Variants in ZMIZ1 observed in about 807,000 individuals in gnomAD.
ZMIZ1 encodes zinc finger MIZ domain-containing protein 1.
In ZMIZ1, 17 loss-of-function variants were observed where a neutral mutation model predicts 113.9. That is an observed-to-expected ratio of 0.15 (90% CI 0.10 to 0.22). The LOEUF (loss-of-function observed/expected upper bound fraction) is 0.22, where lower values mean the gene tolerates loss of function less well. Among genes scored for constraint, ZMIZ1 ranks in the 10% least tolerant of loss-of-function variants. The pLI, the probability that ZMIZ1 is intolerant of heterozygous loss-of-function variation, is 1.00. For missense variants in ZMIZ1, 1,059 were observed against 1,477.8 expected (o/e 0.72, Z 4.65); for synonymous variants, 607 against 603.1 (o/e 1.01, Z -0.09).
intron 1 of ZMIZ1, among the ~76,000 whole-genome samples, chr10:79,100,080 A>G (rs1843307186): frequency 6.6e-6 from 1 of 152,040 alleles, no homozygotes; most frequent in African/African-American, 2.4e-5. Flanking sequence ...GCCCTGGATG[A>G]CTGGTCCTGG....
At chr10:79,098,255 G>A (rs1012126642) in intron 1 of ZMIZ1, among the ~76,000 whole-genome samples, 5 of 152,178 alleles carry the variant, frequency 3.3e-5, no homozygotes, top group African/African-American at 9.7e-5. Flanking sequence ...GAGTTTATGC[G>A]GGAGTGAGGA....
intron 3 of ZMIZ1, among the ~76,000 whole-genome samples, chr10:79,159,250 C>CTCG (rs1846015004): frequency 6.6e-6 from 1 of 152,220 alleles, no homozygotes; most frequent in Non-Finnish European, 1.5e-5. Context: ...GGGGCTACAC[C>CTCG]TCGTCTCCTG....
intron 1 of ZMIZ1, among the ~76,000 whole-genome samples, chr10:79,089,162 C>T (rs771576733): frequency 5.9e-5 from 9 of 152,222 alleles, no homozygotes; most frequent in Non-Finnish European, 1.2e-4. Flanking sequence ...GAGGTGGACA[C>T]GTAGCCTCAG....
chr10:79,108,590 G>A (rs1035278805), intron 1 of ZMIZ1, among the ~76,000 whole-genome samples: 1 of 152,104 alleles, frequency 6.6e-6, no homozygotes. Flanking sequence ...AGGACAGGGG[G>A]CCTGATTGGG....
chr10:79,298,959 A>G, intron 15 of ZMIZ1, 91 bp from the exon 16 acceptor site: 1 of 1,489,382 alleles, frequency 6.7e-7, no homozygotes, highest in South Asian at 1.3e-5. Context: ...TCCTCTGAGC[A>G]TGCAGCCCAG....
intron 18 of ZMIZ1, among the ~76,000 whole-genome samples, chr10:79,302,829 G>A (rs1287777366): frequency 6.7e-6 from 1 of 149,996 alleles, no homozygotes; most frequent in Non-Finnish European, 1.5e-5. Flanking sequence ...AAGGAGTTGG[G>A]ACTATAGGTG....
chr10:79,238,244 G>A (rs956368347), intron 7 of ZMIZ1, among the ~76,000 whole-genome samples: 3 of 152,218 alleles, frequency 2.0e-5, no homozygotes, highest in African/African-American at 4.8e-5. Flanking sequence ...CGGAGGTACT[G>A]AGTGGAGGTG....
intron 3 of ZMIZ1, among the ~76,000 whole-genome samples, chr10:79,154,493 T>C (rs1845826527): frequency 6.6e-6 from 1 of 152,172 alleles, no homozygotes; most frequent in African/African-American, 2.4e-5. Context: ...AAATTCCACT[T>C]AGAACCCTGG....
At chr10:79,232,217 C>A (rs1849421758) in intron 7 of ZMIZ1, among the ~76,000 whole-genome samples, 1 of 152,120 alleles carries the variant, frequency 6.6e-6, no homozygotes, top group African/African-American at 2.4e-5. Flanking sequence ...GAAAACTGTG[C>A]CCTGCATGTA....
chr10:79,216,134 G>A (rs754672072), intron 6 of ZMIZ1, 35 bp from the exon 7 acceptor site: 16 of 1,433,432 alleles, frequency 1.1e-5, no homozygotes, highest in East Asian at 1.1e-4. Context: ...TCTGGGCTCC[G>A]TGACTCACCT....
intron 3 of ZMIZ1, among the ~76,000 whole-genome samples, chr10:79,156,591 C>G (rs1404762159): frequency 6.6e-6 from 1 of 152,208 alleles, no homozygotes; most frequent in Non-Finnish European, 1.5e-5. Flanking sequence ...AAAGCAGGCC[C>G]AGCAGGCAGG....
chr10:79,172,121 A>C (rs530391842), intron 4 of ZMIZ1, among the ~76,000 whole-genome samples: 2 of 152,272 alleles, frequency 1.3e-5, no homozygotes, highest in East Asian at 3.9e-4. Context: ...GGCAGGGCTC[A>C]CAGCAGCTCA....
intron 8 of ZMIZ1, among the ~76,000 whole-genome samples, chr10:79,278,620 A>G (rs1852463107): frequency 6.6e-6 from 1 of 151,248 alleles, no homozygotes; most frequent in Admixed American, 6.6e-5. Flanking sequence ...GGTACTTGAG[A>G]TTAGGGAGTG....
chr10:79,185,858 AGTGTCT>A (rs139077684), intron 4 of ZMIZ1, among the ~76,000 whole-genome samples: 1,541 of 152,110 alleles, frequency 0.01, 33 homozygotes, highest in South Asian at 0.073. Flanking sequence ...CAGCATCTGG[AGTGTCT>A]GTGTCCATTC....
intron 3 of ZMIZ1, among the ~76,000 whole-genome samples, chr10:79,150,434 C>T (rs1845667311): frequency 2.0e-5 from 3 of 152,266 alleles, no homozygotes; most frequent in Admixed American, 6.5e-5. Context: ...CCTGCACCCC[C>T]CACACATGCT....
intron 1 of ZMIZ1, among the ~76,000 whole-genome samples, chr10:79,106,601 G>T (rs531342607): frequency 2.6e-5 from 4 of 152,364 alleles, no homozygotes; most frequent in Non-Finnish European, 5.9e-5. Context: ...GATGCTCCTT[G>T]GCCGGTCTTT....
Position 79,302,547 on chromosome 10 carries a change from A to G in ZMIZ1, c.2125+335A>G, listed in dbSNP as rs563290794. 3.8e-5 allele frequency among the ~76,000 whole-genome samples: 5 copies of G among 133,222 alleles called. No homozygotes were observed. The South Asian group carries it at 1.3e-3, about 34-fold the overall frequency. 87.4% of individuals were successfully genotyped at this position (133,222 alleles called of 152,430 possible). ...AGATTAAAACAAAATGTCAGGAAGC[A>G]GGCTTCCTGGAGGAGGTGATGACCT... On this transcript the variant is annotated intron_variant, in intron 18 of 24. Coordinates refer to ENST00000334512, the MANE Select transcript of ZMIZ1 (RefSeq NM_020338.4).
chr10:79,258,408 GAAGAA>G (rs1851051530), intron 7 of ZMIZ1, among the ~76,000 whole-genome samples: 1 of 152,146 alleles, frequency 6.6e-6, no homozygotes. Context: ...AGAAGAAGAA[GAAGAA>G]AAGAAAATAG....
intron 7 of ZMIZ1, among the ~76,000 whole-genome samples, chr10:79,222,754 G>A (rs886367770): frequency 5.9e-5 from 9 of 152,102 alleles, no homozygotes; most frequent in Admixed American, 4.6e-4. Context: ...TGGAGCTCTC[G>A]ATCCCAGGGA....
Sources: gnomAD v4.1 joint callset for allele counts (sites outside exome capture counted in the v4.1 genomes callset) on GRCh38, gnomAD v4.1.1 for gene constraint, MANE v1.5 for transcripts, NCBI Gene and HGNC (gene_info 2026-07-23, HGNC 2026-07-21) for gene names.